The following WWOX variants were observed in gnomAD, a reference collection of about 807,000 sequenced individuals.
WWOX encodes the protein WW domain-containing oxidoreductase.
In WWOX, 69 loss-of-function variants were observed where a neutral mutation model predicts 46.2. The observed-to-expected ratio is 1.49, with a 90% CI of 1.23 to 1.82. The LOEUF (loss-of-function observed/expected upper bound fraction) is 1.82, where lower values mean the gene tolerates loss of function less well. WWOX is among the 40% of genes most tolerant of loss of function. The probability of loss-of-function intolerance (pLI) is 0.00; values close to 1 mark genes in which losing one functional copy is unlikely to be tolerated. For missense variants in WWOX, 919 were observed against 542.6 expected (o/e 1.69, Z -6.89); for synonymous variants, 359 against 202.6 (o/e 1.77, Z -6.56).
chr16:79,116,390 C>A (rs2049516358), intron 8 of WWOX, among the ~76,000 whole-genome samples: 1 of 152,178 alleles, frequency 6.6e-6, no homozygotes, highest in Non-Finnish European at 1.5e-5. Flanking sequence ...CTCGCCACTG[C>A]TTTATCAGTT....
intron 8 of WWOX, chr16:79,205,451 C>T (rs754885818): frequency 5.9e-5 from 9 of 152,134 alleles, no homozygotes; most frequent in Non-Finnish European, 1.2e-4. Flanking sequence ...ACACATTGTC[C>T]ACGTCTAATT....
At chr16:78,566,729 C>T (rs906283203) in intron 8 of WWOX, among the ~76,000 whole-genome samples, 2 of 152,198 alleles carry the variant, frequency 1.3e-5, no homozygotes, top group Admixed American at 1.3e-4. Context: ...GTGGGCTTTA[C>T]TTCCTCCTCC....
At chr16:78,945,883 T>C (rs1366648741) in intron 8 of WWOX, among the ~76,000 whole-genome samples, 1 of 152,160 alleles carries the variant, frequency 6.6e-6, no homozygotes, top group Non-Finnish European at 1.5e-5. Context: ...TCCTGGCTCT[T>C]CCTTTAACTG....
Position 78,354,312 on chromosome 16 carries a change from C to CT in WWOX, c.517-32534dup, listed in dbSNP as rs55635025. On this transcript the variant is annotated intron_variant, in intron 5 of 8. Transcript: ENST00000566780. ...AGACAGTGTCTGCTGATGTGCTTAA[C>CT]TTTTTTTTTTTTTTGGTCAGGTGTG... is the stretch of plus-strand genomic sequence containing the variant. 4.7e-4 allele frequency among the ~76,000 whole-genome samples: 58 copies of CT among 123,272 alleles called. 1 individual carries two copies. Among genetic ancestry groups the CT allele is most frequent in the Middle Eastern group, 5.0e-3 (1 of 202 alleles). The allele number at this position is 123,272 out of a possible 152,430, so 80.9% of individuals were successfully genotyped here. A position where few individuals can be genotyped will look rare whatever the true frequency, so the allele number is the denominator to read the frequency against.
At chr16:78,331,857 G>T (rs1424964973) in intron 5 of WWOX, among the ~76,000 whole-genome samples, 1 of 152,176 alleles carries the variant, frequency 6.6e-6, no homozygotes, top group Non-Finnish European at 1.5e-5. Flanking sequence ...TCAGATGTCT[G>T]TTCAAATTAT....
intron 8 of WWOX, among the ~76,000 whole-genome samples, chr16:78,814,180 G>A (rs910333998): frequency 6.6e-6 from 1 of 152,164 alleles, no homozygotes; most frequent in African/African-American, 2.4e-5. Flanking sequence ...CAGTTACTGG[G>A]AAGCCATAAT....
intron 8 of WWOX, among the ~76,000 whole-genome samples, chr16:78,743,478 A>G (rs1338477737): frequency 8.7e-6 from 1 of 115,410 alleles, no homozygotes; most frequent in South Asian, 3.1e-4. Flanking sequence ...TTAGAAAAGT[A>G]AGTGAGGCAG....
chr16:78,695,263 C>A (rs1251964564), intron 8 of WWOX, among the ~76,000 whole-genome samples: 1 of 152,070 alleles, frequency 6.6e-6, no homozygotes, highest in Non-Finnish European at 1.5e-5. Context: ...CATCCACAGG[C>A]AATCACATAT....
At chr16:78,935,294 C>T (rs562375309) in intron 8 of WWOX, among the ~76,000 whole-genome samples, 64 of 152,278 alleles carry the variant, frequency 4.2e-4, no homozygotes, top group Non-Finnish European at 8.2e-4. Context: ...GCTATAAAGA[C>T]ACATGCACAT....
chr16:78,918,768 G>A (rs368807071), intron 8 of WWOX, among the ~76,000 whole-genome samples: 13 of 152,240 alleles, frequency 8.5e-5, no homozygotes, highest in African/African-American at 3.1e-4. Context: ...TTAATGCTCG[G>A]AGGAGTCAAG....
intron 8 of WWOX, among the ~76,000 whole-genome samples, chr16:78,790,710 T>G (rs752095728): frequency 3.3e-5 from 5 of 152,062 alleles, no homozygotes; most frequent in Non-Finnish European, 5.9e-5. Flanking sequence ...GGTTTACAAA[T>G]AAGTAGTACT....
chr16:78,246,898 C>T lies in WWOX; in HGVS notation c.516+82609C>T, dbSNP rs532703160. Among the ~76,000 whole-genome samples the T allele has an allele frequency of 4.6e-5, 7 of 151,974 alleles. No homozygotes were observed. The East Asian group carries it at 1.4e-3, about 29-fold the overall frequency. ...CGAGAGAGGAAATAAATCCTTGGAC[C>T]CCAGAGTGATTTTCGGAGCCACAAG... On this transcript the variant is annotated intron_variant, in intron 5 of 8. Coordinates refer to ENST00000566780, the MANE Select transcript of WWOX (RefSeq NM_016373.4).
intron 5 of WWOX, among the ~76,000 whole-genome samples, chr16:78,376,948 C>G (rs1028800716): frequency 6.6e-6 from 1 of 152,170 alleles, no homozygotes; most frequent in Non-Finnish European, 1.5e-5. Context: ...TTGTTTTTGT[C>G]TTTTTATTGA....
At chr16:78,665,886 T>C (rs374872759) in intron 8 of WWOX, among the ~76,000 whole-genome samples, 6 of 152,148 alleles carry the variant, frequency 3.9e-5, no homozygotes, top group African/African-American at 1.4e-4. Flanking sequence ...AGTTTCACCA[T>C]GTTGGCCAGG....
At chr16:78,608,245 C>G (rs1479179144) in intron 8 of WWOX, among the ~76,000 whole-genome samples, 1 of 152,154 alleles carries the variant, frequency 6.6e-6, no homozygotes, top group East Asian at 1.9e-4. Flanking sequence ...AAAATACACT[C>G]AGGACCAGGA....
chr16:78,386,485 C>T (rs2082062520), intron 5 of WWOX, among the ~76,000 whole-genome samples: 1 of 152,092 alleles, frequency 6.6e-6, no homozygotes, highest in South Asian at 2.1e-4. Context: ...AGATATTGTC[C>T]ATTGCATCTT....
intron 8 of WWOX, among the ~76,000 whole-genome samples, chr16:78,746,482 C>G (rs1025204617): frequency 7.2e-5 from 11 of 152,078 alleles, no homozygotes; most frequent in African/African-American, 2.2e-4. Context: ...CACTCCAGGA[C>G]TTTAGGCCTG....
At position 78,518,641 on chromosome 16, in the gene WWOX, T is replaced by C. The variant is rs186225974; in HGVS notation, c.1056+85889T>C. The stretch of plus-strand genomic sequence containing the variant: ...ACATGTATTTACTGGGCATCTAGAT[T>C]TCATTTATTTAAGAACTTTTTATTG... On this transcript the variant is annotated intron_variant, in intron 8 of 8. Transcript: ENST00000566780. Among the ~76,000 whole-genome samples the C allele has an allele frequency of 3.3e-3, 499 of 152,274 alleles. 3 individuals are homozygous for C. The highest frequency in any genetic ancestry group is 0.012 in the African/African-American group (483 of 41,558).
chr16:78,400,160 C>T (rs571473747), intron 6 of WWOX, among the ~76,000 whole-genome samples: 29 of 152,224 alleles, frequency 1.9e-4, no homozygotes, highest in South Asian at 8.3e-4. Context: ...TGTTATAGTT[C>T]GGTCACTTAC....
Sources: gnomAD v4.1 joint callset for allele counts (sites outside exome capture counted in the v4.1 genomes callset) on GRCh38, gnomAD v4.1.1 for gene constraint, MANE v1.5 for transcripts, NCBI Gene and HGNC (gene_info 2026-07-23, HGNC 2026-07-21) for gene names.